The following OR10J1 variants were observed in gnomAD, a reference collection of about 807,000 sequenced individuals.
OR10J1 encodes olfactory receptor 10J1.
For missense variants in OR10J1, 474 were observed against 376.6 expected (o/e 1.26, Z -2.14); for synonymous variants, 202 against 143.8 (o/e 1.40, Z -2.89).
upstream of OR10J1, among the ~76,000 whole-genome samples, chr1:159,433,758 C>A (rs1558008169): frequency 1.3e-5 from 2 of 152,202 alleles, no homozygotes; most frequent in Admixed American, 6.5e-5. Context: ...TTCTGCGGAA[C>A]CTGACCTAAG....
At chr1:159,431,020 G>A in the OR10J1 span, among the ~76,000 whole-genome samples, 1 of 152,110 alleles carries the variant, frequency 6.6e-6, no homozygotes, top group Non-Finnish European at 1.5e-5. Context: ...AGTTACTAGT[G>A]TTTTAAATCT....
the OR10J1 span, among the ~76,000 whole-genome samples, chr1:159,419,194 TG>T: frequency 2.0e-5 from 3 of 152,096 alleles, no homozygotes; most frequent in Non-Finnish European, 4.4e-5. Flanking sequence ...AAGGCATGAT[TG>T]GTTTTGAAAT....
chr1:159,427,922 C>T, the OR10J1 span, among the ~76,000 whole-genome samples: 5 of 152,028 alleles, frequency 3.3e-5, no homozygotes, highest in Non-Finnish European at 5.9e-5. Flanking sequence ...TAATTCACCC[C>T]TAACAACTTA....
chr1:159,432,673 C>T, the OR10J1 span: 1 of 419,528 alleles, frequency 2.4e-6, no homozygotes, highest in Non-Finnish European at 4.2e-6. Context: ...CTGAGCACAG[C>T]TATCATTCAG....
chr1:159,401,745 C>T, the OR10J1 span, among the ~76,000 whole-genome samples: 19 of 151,806 alleles, frequency 1.3e-4, no homozygotes, highest in African/African-American at 3.9e-4. Flanking sequence ...ACTCATTCTA[C>T]AAGGCCAGCA....
the OR10J1 span, among the ~76,000 whole-genome samples, chr1:159,402,202 A>G: frequency 6.6e-6 from 1 of 152,060 alleles, no homozygotes; most frequent in Non-Finnish European, 1.5e-5. Context: ...CTGCAACACA[A>G]CAAGAATGCC....
the OR10J1 span, among the ~76,000 whole-genome samples, chr1:159,430,268 ATTGAAATGC>A: frequency 1.3e-5 from 2 of 152,038 alleles, no homozygotes; most frequent in Non-Finnish European, 2.9e-5. Context: ...GCATATTCTC[ATTGAAATGC>A]TGTCCAGTCT....
chr1:159,434,945 A>G (rs1030982935), upstream of OR10J1, among the ~76,000 whole-genome samples: 12 of 152,200 alleles, frequency 7.9e-5, no homozygotes, highest in Admixed American at 7.2e-4. Flanking sequence ...TTCTTTGTCA[A>G]TAGAATTCCC....
rs1319269821 is a variant in OR10J1 at position 159,439,809 on chromosome 1, T to G, written c.18T>G (p.Phe6Leu). MKREN[F>L]TLITDFVFQG... ...ACCAATCCATGAAAAGAGAGAACTT[T>G]ACTCTCATCACTGACTTTGTTTTCC... The change falls in exon 1 of 1, where the codon TTT becomes TTG. Residue 6 changes from phenylalanine (F) to leucine (L), a missense_variant. Phe to Leu is a conservative substitution (Grantham distance 22). Coordinates refer to ENST00000423932, the MANE Select transcript of OR10J1 (RefSeq NM_012351.3). 1.2e-6 allele frequency: 2 copies of G among 1,614,126 alleles called. No homozygotes were observed. The highest frequency in any genetic ancestry group is 2.2e-5 in the South Asian group (2 of 91,086).
At position 159,439,898 on chromosome 1, in the gene OR10J1, T is replaced by G; in HGVS notation, c.107T>G (p.Ile36Ser). 6.2e-7 allele frequency: 1 copy of G among 1,614,162 alleles called. No individual in the cohort carries two copies. Among genetic ancestry groups the G allele is most frequent in the Non-Finnish European group, 8.5e-7 (1 of 1,180,026 alleles). ...TLFGVFLALY[I>S]LTLAGNIIIV... ...TTTGGCGTGTTCCTTGCACTATACATCTTAACCTTAGCAGGCAATATCATC... is the reference window on the plus strand; with the variant it reads ...TTTGGCGTGTTCCTTGCACTATACAGCTTAACCTTAGCAGGCAATATCATC... The change falls in exon 1 of 1, where the codon ATC becomes AGC. Residue 36 changes from isoleucine to serine, a missense_variant. Transcript: ENST00000423932.
chr1:159,430,639 T>TGGGG, the OR10J1 span, among the ~76,000 whole-genome samples: 10 of 23,636 alleles, frequency 4.2e-4, no homozygotes, highest in African/African-American at 6.6e-4. Flanking sequence ...AAAAAAATTA[T>TGGGG]GGTGTGTGTG....
the OR10J1 span, among the ~76,000 whole-genome samples, chr1:159,403,506 T>C: frequency 6.6e-6 from 1 of 152,136 alleles, no homozygotes. Flanking sequence ...TGCAGGCATA[T>C]GAAAATGTGC....
the OR10J1 span, among the ~76,000 whole-genome samples, chr1:159,410,081 G>T: frequency 3.3e-5 from 5 of 152,128 alleles, no homozygotes; most frequent in Non-Finnish European, 5.9e-5. Flanking sequence ...TTTTTGATGT[G>T]TTGCTGGATT....
chr1:159,434,107 T>C (rs1655668120), upstream of OR10J1, among the ~76,000 whole-genome samples: 1 of 152,236 alleles, frequency 6.6e-6, no homozygotes, highest in South Asian at 2.1e-4. Context: ...TCACTATAAA[T>C]CTATGAGATA....
At chr1:159,415,376 CTG>C in the OR10J1 span, among the ~76,000 whole-genome samples, 1 of 152,072 alleles carries the variant, frequency 6.6e-6, no homozygotes, top group African/African-American at 2.4e-5. Context: ...AATCAGTTGA[CTG>C]TGAATAAATG....
the OR10J1 span, among the ~76,000 whole-genome samples, chr1:159,422,972 C>T: frequency 7.2e-5 from 11 of 152,140 alleles, no homozygotes; most frequent in African/African-American, 2.4e-4. Flanking sequence ...TTCTAGTGTT[C>T]TCAAATGAGC....
At chr1:159,415,924 T>G in the OR10J1 span, among the ~76,000 whole-genome samples, 8 of 151,912 alleles carry the variant, frequency 5.3e-5, no homozygotes, top group Non-Finnish European at 1.2e-4. Context: ...TATTCCTAGT[T>G]TTTTTTCAGT....
At chr1:159,429,608 T>C in the OR10J1 span, among the ~76,000 whole-genome samples, 1 of 152,142 alleles carries the variant, frequency 6.6e-6, no homozygotes, top group Non-Finnish European at 1.5e-5. Context: ...TTATAATGAG[T>C]TCCCCAGACA....
the OR10J1 span, among the ~76,000 whole-genome samples, chr1:159,407,119 A>G: frequency 2.6e-5 from 4 of 152,182 alleles, no homozygotes; most frequent in Non-Finnish European, 5.9e-5. Context: ...TGCAGAGTCA[A>G]AAGTTATGAG....
Sources: gnomAD v4.1 joint callset for allele counts (sites outside exome capture counted in the v4.1 genomes callset) on GRCh38, gnomAD v4.1.1 for gene constraint, MANE v1.5 for transcripts, NCBI Gene and HGNC (gene_info 2026-07-23, HGNC 2026-07-21) for gene names.